The following AQP8 variants were observed in gnomAD, a reference collection of about 807,000 sequenced individuals.
The protein encoded by AQP8 is aquaporin 8, also known as aquaporin-8.
AQP8 carries 14 observed loss-of-function variants against 26.1 expected under a neutral mutation model. The observed-to-expected ratio is 0.54, with a 90% CI of 0.35 to 0.84. The LOEUF is 0.84. AQP8 is among the 40% of genes least tolerant of loss of function. The pLI is 0.01. For missense variants in AQP8, 301 were observed against 340.5 expected (o/e 0.88, Z 0.91); for synonymous variants, 131 against 150.7 (o/e 0.87, Z 0.96).
intron 3 of AQP8, 67 bp downstream of exon 3, chr16:25,221,650 G>C: frequency 6.3e-7 from 1 of 1,581,196 alleles, no homozygotes; most frequent in Non-Finnish European, 8.6e-7. Flanking sequence ...GCATATGTGG[G>C]TGTGTGTGTG....
intron 5 of AQP8, among the ~76,000 whole-genome samples, 177 bp downstream of exon 5, chr16:25,227,379 C>T (rs1310031634): frequency 6.6e-6 from 1 of 152,188 alleles, no homozygotes; most frequent in African/African-American, 2.4e-5. Flanking sequence ...TGACAGAGAT[C>T]TATTTCAAAA....
In AQP8 at chr16:25,227,196, T is replaced by C; in HGVS notation, c.731T>C (p.Leu244Pro). 6.2e-7 allele frequency: 1 copy of C among 1,614,042 alleles called. No individual in the cohort carries two copies. The highest frequency in any genetic ancestry group is 8.5e-7 in the Non-Finnish European group (1 of 1,180,006). The change falls in exon 5 of 6, where the codon CTC (leucine) becomes CCC (proline). Residue 244 changes from leucine to proline, a missense_variant. Leu to Pro is a moderately conservative substitution (Grantham distance 98, BLOSUM62 -3). Transcript: ENST00000219660. ...CTGGCTGGCCTGCTTGTTGGACTGC[T>C]CATTAGGTAGGAGTGTGACACAGGG... ...PLLAGLLVGL[L>P]IRCFIGDGKT... is the part of the protein sequence containing the mutation.
intron 2 of AQP8, among the ~76,000 whole-genome samples, chr16:25,218,601 C>T (rs946605466): frequency 3.3e-5 from 5 of 152,188 alleles, no homozygotes; most frequent in Non-Finnish European, 2.9e-5. Flanking sequence ...CTCTTTAGGC[C>T]GGGTGCAGTG....
Position 25,227,194 on chromosome 16 carries a change from G to A in AQP8, c.729G>A (p.Leu243=). ...TCCTGGCTGGCCTGCTTGTTGGACT[G>A]CTCATTAGGTAGGAGTGTGACACAG... The part of the protein sequence containing the change: ...GPLLAGLLVG[L]LIRCFIGDGK... The change falls in exon 5 of 6, where the codon CTG becomes CTA. Residue 243 remains leucine, a synonymous_variant. Transcript: ENST00000219660. 1 of 1,614,162 alleles carries A rather than the reference G, an allele frequency of 6.2e-7. No individual in the cohort carries two copies. The highest frequency in any genetic ancestry group is 8.5e-7 in the Non-Finnish European group (1 of 1,180,026).
intron 4 of AQP8, 115 bp downstream of exon 4, chr16:25,224,691 G>A: frequency 9.1e-7 from 1 of 1,099,588 alleles, no homozygotes; most frequent in Non-Finnish European, 1.3e-6. Flanking sequence ...GGAAGGTGCT[G>A]CAAATGGGGA....
rs920830214 is a variant in AQP8 at position 25,228,387 on chromosome 16, C to T, written c.738-57C>T. 2.3e-5 allele frequency: 36 copies of T among 1,569,626 alleles called. No homozygotes were observed. The Middle Eastern group carries it at 1.0e-3, about 44-fold the overall frequency. On this transcript the variant is annotated intron_variant, in intron 5 of 5. Coordinates refer to ENST00000219660, the MANE Select transcript of AQP8 (RefSeq NM_001169.3). The stretch of plus-strand genomic sequence containing the variant: ...GAGACTTCTGAGCCTGGAGACATGA[C>T]GAAGGGCTGGGTCTCACCTCCGGGG...
chr16:25,221,362 G>T, intron 2 of AQP8, 95 bp from the exon 3 acceptor site: 1 of 1,505,448 alleles, frequency 6.6e-7, no homozygotes. Flanking sequence ...GCCCTGAGAG[G>T]CCAGCCTGGT....
chr16:25,226,579 T>C (rs898467022), intron 4 of AQP8, among the ~76,000 whole-genome samples: 5 of 152,120 alleles, frequency 3.3e-5, no homozygotes, highest in Non-Finnish European at 5.9e-5. Context: ...GATGTTTTGA[T>C]ACAGGTATGC....
intron 3 of AQP8, among the ~76,000 whole-genome samples, chr16:25,222,768 G>A (rs1962581086): frequency 6.6e-6 from 1 of 152,040 alleles, no homozygotes; most frequent in African/African-American, 2.4e-5. Context: ...TTGTTCTCAA[G>A]CCTCACTTTA....
chr16:25,219,854 T>G (rs527928962), intron 2 of AQP8, among the ~76,000 whole-genome samples: 1,727 of 145,890 alleles, frequency 0.012, 26 homozygotes, highest in African/African-American at 0.016. Context: ...CTGGCCAACA[T>G]GGTGAAACCC....
intron 1 of AQP8, 48 bp downstream of exon 1, chr16:25,217,105 G>A (rs1962496018): frequency 1.2e-6 from 2 of 1,613,782 alleles, no homozygotes; most frequent in Non-Finnish European, 1.7e-6. Context: ...AGAGCAAGGG[G>A]GGCTGTGAAT....
intron 5 of AQP8, among the ~76,000 whole-genome samples, chr16:25,227,532 C>T (rs1345562451): frequency 6.6e-6 from 1 of 152,132 alleles, no homozygotes; most frequent in Admixed American, 6.5e-5. Context: ...CTCTGTTGCC[C>T]AGGCTGGAGT....
chr16:25,220,921 C>T (rs573867681), intron 2 of AQP8, among the ~76,000 whole-genome samples: 70 of 152,304 alleles, frequency 4.6e-4, no homozygotes, highest in Non-Finnish European at 8.8e-4. Flanking sequence ...CGTGGTGGCA[C>T]ACACCTGTAG....
At position 25,217,458 on chromosome 16, in the gene AQP8, C is replaced by T. The variant is rs747990435; in HGVS notation, c.260+13C>T. 1 of 1,612,658 alleles carries T rather than the reference C, an allele frequency of 6.2e-7. No homozygotes were observed. The highest frequency in any genetic ancestry group is 1.3e-5 in the African/African-American group (1 of 74,918). On this transcript the variant is annotated intron_variant, in intron 2 of 5. Coordinates refer to ENST00000219660, the MANE Select transcript of AQP8 (RefSeq NM_001169.3). ...TGGGGAATATCAGGTGAGACCAGCT[C>T]TGAGGATTCAGCCTGATGCTGACTT...
chr16:25,224,300 C>T, intron 3 of AQP8, 62 bp from the exon 4 acceptor site: 1 of 1,508,122 alleles, frequency 6.6e-7, no homozygotes, highest in Admixed American at 2.2e-5. Flanking sequence ...TTTAGGCCCT[C>T]TCCCCTCAGT....
At position 25,217,022 on chromosome 16, in the gene AQP8, C is replaced by G. The variant is rs146485007; in HGVS notation, c.-24C>G. 7 of 1,613,766 alleles carry G rather than the reference C, an allele frequency of 4.3e-6. No individual in the cohort carries two copies. Among genetic ancestry groups the G allele is most frequent in the Non-Finnish European group, 5.9e-6 (7 of 1,180,030 alleles). ...TTTCCCAGCAGCTCAGGCAAGAGTC[C>G]GATGTTTGTGCCATCTGATCCTGAT... On this transcript the variant is annotated 5_prime_UTR_variant, in exon 1 of 6. Transcript: ENST00000219660.
chr16:25,226,266 T>G (rs986991747), intron 4 of AQP8, among the ~76,000 whole-genome samples: 4 of 151,864 alleles, frequency 2.6e-5, no homozygotes, highest in Non-Finnish European at 2.9e-5. Flanking sequence ...TATTTTTAGT[T>G]TTAGTTTTTG....
intron 4 of AQP8, among the ~76,000 whole-genome samples, chr16:25,226,440 A>G (rs1464165555): frequency 6.6e-6 from 1 of 152,114 alleles, no homozygotes; most frequent in Non-Finnish European, 1.5e-5. Context: ...TATTTTTAAT[A>G]CAGACAGGGT....
chr16:25,224,959 A>G (rs549636055), intron 4 of AQP8, among the ~76,000 whole-genome samples: 1 of 152,346 alleles, frequency 6.6e-6, no homozygotes, highest in Non-Finnish European at 1.5e-5. Context: ...GAGCATGTGT[A>G]GCTGTTGTCT....
Sources: gnomAD v4.1 joint callset for allele counts (sites outside exome capture counted in the v4.1 genomes callset) on GRCh38, gnomAD v4.1.1 for gene constraint, MANE v1.5 for transcripts, NCBI Gene and HGNC (gene_info 2026-07-23, HGNC 2026-07-21) for gene names.